The following CCDC170 variants were observed in gnomAD, a reference collection of about 807,000 sequenced individuals.
CCDC170 encodes coiled-coil domain-containing protein 170.
In CCDC170, 69 loss-of-function variants were observed where a neutral mutation model predicts 72.6. The observed-to-expected ratio is 0.95, with a 90% CI of 0.78 to 1.16. The LOEUF (loss-of-function observed/expected upper bound fraction) is 1.16, where lower values mean the gene tolerates loss of function less well. Ranked by LOEUF, CCDC170 falls within the 50% of genes most tolerant of loss-of-function variation. CCDC170 has a pLI of 0.00. For missense variants in CCDC170, 852 were observed against 832.5 expected (o/e 1.02, Z -0.29); for synonymous variants, 300 against 303.9 (o/e 0.99, Z 0.13).
At chr6:151,576,040 C>A (rs116978703) in intron 6 of CCDC170, among the ~76,000 whole-genome samples, 1,591 of 152,252 alleles carry the variant, frequency 0.01, 24 homozygotes, top group Non-Finnish European at 0.016. Context: ...CAGACGATTT[C>A]CAGCTCATGA....
chr6:151,549,615 C>T (rs765437735), intron 5 of CCDC170, among the ~76,000 whole-genome samples: 9 of 151,912 alleles, frequency 5.9e-5, no homozygotes, highest in South Asian at 2.1e-4. Context: ...TTTGTAGAGA[C>T]GGGGTCTCAC....
intron 9 of CCDC170, among the ~76,000 whole-genome samples, chr6:151,602,830 C>T (rs113213980): frequency 0.057 from 8,633 of 150,514 alleles, 316 homozygotes; most frequent in South Asian, 0.097. Context: ...GATGGAGTTC[C>T]GCTCTTGTTG....
chr6:151,591,672 T>G (rs1413701473), intron 7 of CCDC170, among the ~76,000 whole-genome samples: 4 of 152,034 alleles, frequency 2.6e-5, no homozygotes, highest in African/African-American at 9.7e-5. Context: ...TTTTTTTGTA[T>G]TTTTAGTAGA....
chr6:151,591,915 C>A (rs1339646744), intron 7 of CCDC170, among the ~76,000 whole-genome samples: 2 of 151,990 alleles, frequency 1.3e-5, no homozygotes, highest in Non-Finnish European at 2.9e-5. Flanking sequence ...TCTGTAGAGC[C>A]CAAGAAGAGT....
chr6:151,535,355 C>T (rs1042521420), intron 1 of CCDC170, among the ~76,000 whole-genome samples: 1 of 152,172 alleles, frequency 6.6e-6, no homozygotes, highest in African/African-American at 2.4e-5. Context: ...TCCAGATGGG[C>T]AGGGGCTGTC....
In CCDC170 at chr6:151,538,233, A is replaced by G. The variant is rs1221911267; in HGVS notation, c.375A>G (p.Thr125=). The G allele has an allele frequency of 1.9e-6, 3 of 1,613,786 alleles. No individual in the cohort carries two copies. In the East Asian group the frequency reaches 6.7e-5, roughly 36 times the overall value. The change falls in exon 3 of 11, where the codon ACA becomes ACG. Residue 125 remains threonine, a synonymous_variant. Coordinates refer to ENST00000239374, the MANE Select transcript of CCDC170 (RefSeq NM_025059.4). ...CTTCTAAAATCAGAACAGAAATCAC[A>G]GCTCACGCTGCAATCAAGGAGAACC... is the stretch of plus-strand genomic sequence containing the variant. ...LSTSKIRTEI[T]AHAAIKENQE...
intron 6 of CCDC170, among the ~76,000 whole-genome samples, chr6:151,583,701 AC>A (rs1776410900): frequency 6.6e-6 from 1 of 152,062 alleles, no homozygotes; most frequent in African/African-American, 2.4e-5. Context: ...CAGGTGATCC[AC>A]CCAGTTTGGC....
intron 5 of CCDC170, among the ~76,000 whole-genome samples, chr6:151,556,225 G>A (rs1479177827): frequency 6.6e-6 from 1 of 152,212 alleles, no homozygotes; most frequent in Non-Finnish European, 1.5e-5. Context: ...GGAGGCTGAG[G>A]CAGGCAGATC....
chr6:151,592,082 G>T (rs1156851116), intron 7 of CCDC170, among the ~76,000 whole-genome samples: 7 of 152,132 alleles, frequency 4.6e-5, no homozygotes, highest in Admixed American at 2.0e-4. Context: ...CATAGGCTGG[G>T]CACGGTGGCT....
intron 9 of CCDC170, among the ~76,000 whole-genome samples, chr6:151,596,863 G>C (rs1356235294): frequency 1.3e-5 from 2 of 152,124 alleles, no homozygotes; most frequent in African/African-American, 2.4e-5. Context: ...TTTCGCTCTT[G>C]TTGCCCAGGC....
chr6:151,557,707 G>A (rs1210665694), intron 5 of CCDC170, among the ~76,000 whole-genome samples: 1 of 152,158 alleles, frequency 6.6e-6, no homozygotes, highest in Non-Finnish European at 1.5e-5. Context: ...CATCTGTTAT[G>A]TTTGTTTATT....
intron 6 of CCDC170, among the ~76,000 whole-genome samples, chr6:151,577,850 G>A (rs987770288): frequency 2.0e-5 from 3 of 152,188 alleles, no homozygotes; most frequent in Non-Finnish European, 2.9e-5. Flanking sequence ...TCTAGGTTGC[G>A]TGCATCTTAT....
At chr6:151,586,350 G>A (rs1244667945) in intron 7 of CCDC170, among the ~76,000 whole-genome samples, 2 of 152,100 alleles carry the variant, frequency 1.3e-5, no homozygotes, top group East Asian at 3.9e-4. Flanking sequence ...CACAGTTCCT[G>A]ATCTTAAAGG....
chr6:151,528,448 A>G (rs1782444349), intron 1 of CCDC170, among the ~76,000 whole-genome samples: 1 of 152,212 alleles, frequency 6.6e-6, no homozygotes, highest in South Asian at 2.1e-4. Context: ...AAGACACAGC[A>G]TAGCAGGGTT....
At chr6:151,616,128 C>T (rs181844652) in intron 10 of CCDC170, among the ~76,000 whole-genome samples, 17 of 152,242 alleles carry the variant, frequency 1.1e-4, no homozygotes, top group African/African-American at 4.1e-4. Context: ...AGGTGATCGC[C>T]TCTGAAGTTT....
chr6:151,526,303 C>A (rs1275827313), intron 1 of CCDC170, among the ~76,000 whole-genome samples: 1 of 151,428 alleles, frequency 6.6e-6, no homozygotes, highest in Non-Finnish European at 1.5e-5. Flanking sequence ...GCTCACTGCA[C>A]CTCCACCTCC....
At chr6:151,593,466 T>TTGTG (rs140195203) in intron 8 of CCDC170, among the ~76,000 whole-genome samples, 186 bp downstream of exon 8, 12,379 of 152,184 alleles carry the variant, frequency 0.081, 547 homozygotes, top group African/African-American at 0.11. Flanking sequence ...TCACCTAAGG[T>TTGTG]TGTGTTTCAC....
intron 5 of CCDC170, among the ~76,000 whole-genome samples, chr6:151,550,109 T>G (rs1782855788): frequency 6.6e-6 from 1 of 152,256 alleles, no homozygotes; most frequent in Non-Finnish European, 1.5e-5. Flanking sequence ...TAATACCATA[T>G]GTATTTTTTA....
intron 1 of CCDC170, among the ~76,000 whole-genome samples, chr6:151,533,690 A>G (rs1246622072): frequency 6.6e-6 from 1 of 150,558 alleles, no homozygotes; most frequent in Non-Finnish European, 1.5e-5. Context: ...AAAAATCATC[A>G]CTTCTTTAGG....
Sources: gnomAD v4.1 joint callset for allele counts (sites outside exome capture counted in the v4.1 genomes callset) on GRCh38, gnomAD v4.1.1 for gene constraint, MANE v1.5 for transcripts, NCBI Gene and HGNC (gene_info 2026-07-23, HGNC 2026-07-21) for gene names.